Variants in SMYD3 observed in about 807,000 individuals in gnomAD.
SMYD3 encodes histone-lysine N-methyltransferase SMYD3.
In SMYD3, 36 loss-of-function variants were observed where a neutral mutation model predicts 57.7. The observed-to-expected ratio is 0.62, with a 90% CI of 0.48 to 0.82. The LOEUF is 0.82. Among genes scored for constraint, SMYD3 ranks in the 40% least tolerant of loss-of-function variants. SMYD3 has a pLI of 0.00. For missense variants in SMYD3, 515 were observed against 538.8 expected (o/e 0.96, Z 0.44); for synonymous variants, 211 against 195.0 (o/e 1.08, Z -0.68).
intron 8 of SMYD3, among the ~76,000 whole-genome samples, chr1:245,868,665 A>C (rs1045666854): frequency 4.6e-5 from 7 of 152,210 alleles, no homozygotes; most frequent in African/African-American, 1.7e-4. Context: ...AACATTTAGA[A>C]ATGATACCTC....
At position 246,240,904 on chromosome 1, in the gene SMYD3, G is replaced by A. The variant is rs182253711; in HGVS notation, c.531+86297C>T. ...TTGGCTCTCTGTTTGTCTGTTATTG[G>A]AGTATAAGAATGCTTGTGATTTTTG... is the stretch of plus-strand genomic sequence containing the variant. On this transcript the variant is annotated intron_variant, in intron 5 of 11. Coordinates refer to ENST00000490107, the MANE Select transcript of SMYD3 (RefSeq NM_001167740.2). Among the ~76,000 whole-genome samples, 766 of 151,924 alleles carry A rather than the reference G, an allele frequency of 5.0e-3. 6 individuals are homozygous for A. Among genetic ancestry groups the A allele is most frequent in the Non-Finnish European group, 6.8e-3 (465 of 67,970 alleles).
chr1:246,343,500 G>C (rs552480730), intron 2 of SMYD3, among the ~76,000 whole-genome samples: 36 of 152,196 alleles, frequency 2.4e-4, no homozygotes, highest in South Asian at 4.2e-4. Flanking sequence ...CCACATGTAG[G>C]GACAGTCCCA....
chr1:246,404,862 A>C (rs925931526), intron 1 of SMYD3, among the ~76,000 whole-genome samples: 4 of 152,192 alleles, frequency 2.6e-5, no homozygotes, highest in African/African-American at 9.7e-5. Context: ...TTCATTACAG[A>C]AAGTGCTTTG....
intron 1 of SMYD3, among the ~76,000 whole-genome samples, chr1:246,441,996 T>C (rs1224281429): frequency 6.6e-6 from 1 of 152,266 alleles, no homozygotes; most frequent in Non-Finnish European, 1.5e-5. Context: ...CAAGGCACTA[T>C]GGAAGGCACT....
intron 5 of SMYD3, among the ~76,000 whole-genome samples, chr1:245,964,111 G>A (rs950934191): frequency 8.5e-5 from 13 of 152,210 alleles, no homozygotes; most frequent in Non-Finnish European, 1.8e-4. Flanking sequence ...AGAAGGCAAA[G>A]AGGGGCCAGC....
At chr1:245,932,596 G>T (rs984336431) in intron 5 of SMYD3, among the ~76,000 whole-genome samples, 9 of 152,148 alleles carry the variant, frequency 5.9e-5, no homozygotes, top group African/African-American at 1.9e-4. Context: ...GTCTCACTCT[G>T]TCACCCAGGC....
intron 1 of SMYD3, among the ~76,000 whole-genome samples, chr1:246,411,837 A>C (rs1162064658): frequency 1.1e-4 from 5 of 45,100 alleles, no homozygotes; most frequent in Admixed American, 3.3e-4. Context: ...GGGTTGGGGG[A>C]GGGGGGAGGG....
At chr1:246,057,872 GGATA>G (rs1328874596) in intron 5 of SMYD3, among the ~76,000 whole-genome samples, 2 of 152,186 alleles carry the variant, frequency 1.3e-5, no homozygotes, top group Non-Finnish European at 2.9e-5. Flanking sequence ...GAAGGTGAAT[GGATA>G]ATCAAATTGT....
chr1:246,306,867 G>A (rs143929254), intron 5 of SMYD3, among the ~76,000 whole-genome samples: 5 of 152,258 alleles, frequency 3.3e-5, no homozygotes, highest in African/African-American at 9.6e-5. Flanking sequence ...TGACTCTGTG[G>A]TTCCTGGTGA....
chr1:245,821,510 C>A (rs543846227), intron 10 of SMYD3, among the ~76,000 whole-genome samples: 143 of 144,004 alleles, frequency 9.9e-4, no homozygotes, highest in African/African-American at 3.3e-3. Flanking sequence ...TCTAAAACAC[C>A]AAAAGCAATG....
chr1:246,036,363 TC>T (rs34590606), intron 5 of SMYD3, among the ~76,000 whole-genome samples: 20 of 152,006 alleles, frequency 1.3e-4, no homozygotes, highest in Non-Finnish European at 2.4e-4. Context: ...AGGATGACCA[TC>T]CCCCCATCCA....
chr1:246,389,877 A>C (rs1452382051), intron 1 of SMYD3, among the ~76,000 whole-genome samples: 3 of 146,028 alleles, frequency 2.1e-5, no homozygotes, highest in East Asian at 4.1e-4. Flanking sequence ...GTCAGTTTCT[A>C]GAGGACCTCC....
chr1:246,236,656 C>G (rs2063516899), intron 5 of SMYD3, among the ~76,000 whole-genome samples: 1 of 151,938 alleles, frequency 6.6e-6, no homozygotes, highest in African/African-American at 2.4e-5. Context: ...CCTCGTGATC[C>G]ACCCACCTCG....
intron 5 of SMYD3, among the ~76,000 whole-genome samples, chr1:246,115,615 A>G (rs1283269291): frequency 6.6e-6 from 1 of 152,242 alleles, no homozygotes; most frequent in East Asian, 1.9e-4. Context: ...GCAGGGAAAA[A>G]GCAGCATGGT....
At chr1:246,179,601 T>A (rs1382410977) in intron 5 of SMYD3, among the ~76,000 whole-genome samples, 1 of 152,180 alleles carries the variant, frequency 6.6e-6, no homozygotes, top group East Asian at 1.9e-4. Flanking sequence ...AATCCCCCTT[T>A]GGGAAATGTA....
chr1:245,766,400 TAAA>T (rs35500837), intron 10 of SMYD3, among the ~76,000 whole-genome samples: 14,023 of 101,482 alleles, frequency 0.14, 924 homozygotes, highest in African/African-American at 0.2. Flanking sequence ...GACTCTGTCT[TAAA>T]AAAAAAAAAA....
At chr1:245,909,860 C>T (rs931990111) in intron 8 of SMYD3, among the ~76,000 whole-genome samples, 2 of 152,048 alleles carry the variant, frequency 1.3e-5, no homozygotes, top group African/African-American at 4.8e-5. Flanking sequence ...TAGCATCACA[C>T]TTAATTGGGA....
chr1:246,395,734 A>T (rs1260943254), intron 1 of SMYD3, among the ~76,000 whole-genome samples: 1 of 139,060 alleles, frequency 7.2e-6, no homozygotes, highest in Non-Finnish European at 1.6e-5. Flanking sequence ...CCAGTCAGAC[A>T]GGGAAGACGA....
At chr1:246,290,802 C>G (rs2064674898) in intron 5 of SMYD3, among the ~76,000 whole-genome samples, 1 of 152,098 alleles carries the variant, frequency 6.6e-6, no homozygotes, top group Non-Finnish European at 1.5e-5. Context: ...ACTAAACACA[C>G]ATAATTAAAT....
Sources: allele counts gnomAD v4.1 joint callset (sites outside exome capture counted in the v4.1 genomes callset), GRCh38; gene constraint gnomAD v4.1.1; transcripts MANE v1.5; gene names NCBI Gene and HGNC (gene_info 2026-07-23, HGNC 2026-07-21).